The following NTM variants were observed in gnomAD, a reference collection of about 807,000 sequenced individuals.
The protein encoded by NTM is IgLON family member 2.
A neutral mutation model predicts 42.1 loss-of-function variants in NTM; 13 were observed. That is an observed-to-expected ratio of 0.31 (90% CI 0.20 to 0.49). NTM has a LOEUF of 0.49. NTM is among the 20% of genes least tolerant of loss of function. NTM has a pLI of 0.99. For synonymous variants in NTM, 187 were observed against 179.2 expected (o/e 1.04, Z -0.35); for missense variants, 373 against 452.8 (o/e 0.82, Z 1.60).
At chr11:131,746,860 G>A (rs1228129766) in intron 1 of NTM, among the ~76,000 whole-genome samples, 2 of 152,080 alleles carry the variant, frequency 1.3e-5, no homozygotes, top group East Asian at 1.9e-4. Context: ...CAGTGATACC[G>A]AAAAGAATCA....
chr11:131,587,119 G>T (rs1185036378), intron 1 of NTM, among the ~76,000 whole-genome samples: 3 of 152,136 alleles, frequency 2.0e-5, no homozygotes, highest in Admixed American at 2.0e-4. Context: ...TCATGCTCTG[G>T]AGTGAGTTCT....
intron 1 of NTM, among the ~76,000 whole-genome samples, chr11:131,498,578 C>G (rs1043262284): frequency 1.5e-4 from 23 of 151,874 alleles, no homozygotes; most frequent in African/African-American, 5.3e-4. Flanking sequence ...CAAGTTATTG[C>G]CCATTACATC....
chr11:131,508,014 C>T (rs2047715002), intron 1 of NTM, among the ~76,000 whole-genome samples: 1 of 151,830 alleles, frequency 6.6e-6, no homozygotes, highest in South Asian at 2.1e-4. Context: ...GCAATGGCAA[C>T]AAAAGCCAAA....
intron 1 of NTM, among the ~76,000 whole-genome samples, chr11:131,391,644 GAAA>G (rs5795723): frequency 1.2e-5 from 1 of 81,560 alleles, no homozygotes; most frequent in African/African-American, 4.6e-5. Context: ...TTTTATCTGG[GAAA>G]AAAAAAAAAA....
At chr11:131,711,912 C>T (rs1371584024) in intron 1 of NTM, among the ~76,000 whole-genome samples, 3 of 139,260 alleles carry the variant, frequency 2.2e-5, no homozygotes, top group Non-Finnish European at 4.5e-5. Context: ...TGTTCTCACT[C>T]ATAGGTGGGA....
chr11:131,861,115 A>G (rs1332791612), intron 1 of NTM, among the ~76,000 whole-genome samples: 1 of 152,102 alleles, frequency 6.6e-6, no homozygotes, highest in African/African-American at 2.4e-5. Flanking sequence ...CATGAAGGGG[A>G]CAGTGGAGTC....
At chr11:132,299,587 C>T (rs947991943) in intron 4 of NTM, among the ~76,000 whole-genome samples, 2 of 152,174 alleles carry the variant, frequency 1.3e-5, no homozygotes, top group African/African-American at 4.8e-5. Context: ...GCATACTCTA[C>T]GACTTACGCA....
chr11:132,005,868 A>G (rs2070647360), intron 2 of NTM, among the ~76,000 whole-genome samples: 1 of 152,182 alleles, frequency 6.6e-6, no homozygotes, highest in Non-Finnish European at 1.5e-5. Context: ...CTGTTTCCCT[A>G]AAGAAAATGC....
chr11:131,692,147 C>T (rs1472069978), intron 1 of NTM, among the ~76,000 whole-genome samples: 1 of 152,228 alleles, frequency 6.6e-6, no homozygotes, highest in Non-Finnish European at 1.5e-5. Context: ...TGTCCTTCCA[C>T]TCTAGGGCTT....
chr11:132,043,644 T>C (rs2077500950), intron 2 of NTM, among the ~76,000 whole-genome samples: 1 of 152,202 alleles, frequency 6.6e-6, no homozygotes, highest in Non-Finnish European at 1.5e-5. Flanking sequence ...TGGCCACTGC[T>C]TCTGGGTCAT....
chr11:132,160,010 G>A (rs12419402), intron 3 of NTM, among the ~76,000 whole-genome samples: 36,967 of 152,074 alleles, frequency 0.24, 5,791 homozygotes, highest in Non-Finnish European at 0.35. Context: ...ATGAAAAATG[G>A]GAAACAGACA....
chr11:131,873,367 G>T (rs1011796373), intron 1 of NTM, among the ~76,000 whole-genome samples: 2 of 151,132 alleles, frequency 1.3e-5, no homozygotes, highest in East Asian at 2.0e-4. Context: ...GTTGGGGGAT[G>T]GGGGGCAAGG....
chr11:131,523,725 G>A (rs867841283), intron 1 of NTM, among the ~76,000 whole-genome samples: 2 of 138,696 alleles, frequency 1.4e-5, no homozygotes, highest in African/African-American at 5.5e-5. Flanking sequence ...GGTGGCAGAG[G>A]TTGCAGTGAG....
At chr11:131,887,096 G>A (rs1401151183) in intron 1 of NTM, among the ~76,000 whole-genome samples, 4 of 152,170 alleles carry the variant, frequency 2.6e-5, no homozygotes, top group Non-Finnish European at 5.9e-5. Context: ...TGATAACAAT[G>A]TATTGTACAC....
chr11:131,483,551 G>A (rs4937630), intron 1 of NTM, among the ~76,000 whole-genome samples: 24,996 of 152,200 alleles, frequency 0.16, 3,679 homozygotes, highest in East Asian at 0.46. Flanking sequence ...TGGAAATTAA[G>A]TTCTTAAGGA....
chr11:131,618,344 A>T (rs1015744603), intron 1 of NTM, among the ~76,000 whole-genome samples: 7 of 152,204 alleles, frequency 4.6e-5, no homozygotes, highest in Admixed American at 2.0e-4. Flanking sequence ...CTGGTACCAA[A>T]ACAAAGCCTA....
intron 2 of NTM, among the ~76,000 whole-genome samples, chr11:132,035,503 G>A (rs1001875523): frequency 6.6e-6 from 1 of 152,184 alleles, no homozygotes; most frequent in Non-Finnish European, 1.5e-5. Context: ...AGATAATGTT[G>A]CATAAAAAGA....
intron 2 of NTM, among the ~76,000 whole-genome samples, chr11:131,945,172 A>G (rs573001858): frequency 6.6e-6 from 1 of 152,348 alleles, no homozygotes; most frequent in Admixed American, 6.5e-5. Flanking sequence ...AGTCAAGTCC[A>G]ATTTTTAGCT....
At chr11:131,540,784 T>A (rs1310509702) in intron 1 of NTM, 1 of 152,210 alleles carries the variant, frequency 6.6e-6, no homozygotes, top group Non-Finnish European at 1.5e-5. Flanking sequence ...AAGCCAGTTG[T>A]GAGAGAAATA....
Sources: allele counts gnomAD v4.1 joint callset (sites outside exome capture counted in the v4.1 genomes callset), GRCh38; gene constraint gnomAD v4.1.1; transcripts MANE v1.5; gene names NCBI Gene and HGNC (gene_info 2026-07-23, HGNC 2026-07-21).